Variants in PNLIP observed in about 807,000 individuals in gnomAD.
PNLIP encodes pancreatic lipase.
PNLIP carries 49 observed loss-of-function variants against 57.1 expected under a neutral mutation model. That is an observed-to-expected ratio of 0.86 (90% confidence interval 0.68 to 1.09). PNLIP has a LOEUF of 1.09. Ranked by LOEUF, PNLIP falls within the 50% of genes least tolerant of loss-of-function variation. PNLIP has a pLI of 0.00. For missense variants in PNLIP, 503 were observed against 570.2 expected (o/e 0.88, Z 1.20); for synonymous variants, 209 against 200.4 (o/e 1.04, Z -0.36).
Position 116,553,764 on chromosome 10 carries a change from T to C in PNLIP, c.497T>C (p.Ile166Thr). Residue 166 changes from isoleucine to threonine, a missense_variant, in exon 6 of 13, where the codon ATT becomes ACT. Coordinates refer to ENST00000369221, the MANE Select transcript of PNLIP (RefSeq NM_000936.4). ...TACTCACCTTCCAATGTGCATGTCA[T>C]TGGCCACAGCCTGGGTGCCCACGCT... ...FGYSPSNVHV[I>T]GHSLGAHAAG... The C allele has an allele frequency of 1.9e-6, 3 of 1,613,390 alleles. No homozygotes were observed. Among genetic ancestry groups the C allele is most frequent in the Non-Finnish European group, 2.5e-6 (3 of 1,179,586 alleles).
chr10:116,565,873 G>T (rs183133728), intron 12 of PNLIP, among the ~76,000 whole-genome samples: 1 of 152,104 alleles, frequency 6.6e-6, no homozygotes, highest in South Asian at 2.1e-4. Context: ...GCAGTGGCAC[G>T]ATCTTGGCTC....
chr10:116,561,521 G>A lies in PNLIP; in HGVS notation c.1219G>A (p.Val407Met). ...TCATTCCAATGAATTTGACTCAGAT[G>A]TGGATGTTGGGGACTTGCAGATGGT... The part of the protein sequence containing the change: ...STHSNEFDSD[V>M]DVGDLQMVKF... The change falls in exon 12 of 13, where the codon GTG (valine) becomes ATG (methionine). Residue 407 changes from valine to methionine, a missense_variant. Transcript: ENST00000369221. 1.9e-6 allele frequency: 3 copies of A among 1,613,936 alleles called. No individual in the cohort carries two copies. The highest frequency in any genetic ancestry group is 2.5e-6 in the Non-Finnish European group (3 of 1,179,860).
At chr10:116,559,357 T>A in intron 10 of PNLIP, 74 bp downstream of exon 10, 1 of 1,164,934 alleles carries the variant, frequency 8.6e-7, no homozygotes, top group Non-Finnish European at 1.2e-6. Context: ...AAAATGTGCA[T>A]ACTTGCTTTT....
Position 116,567,744 on chromosome 10 carries a change from C to T in PNLIP, c.1344C>T (p.Phe448=). 1 of 1,613,866 alleles carries T rather than the reference C, an allele frequency of 6.2e-7. No homozygotes were observed. Among genetic ancestry groups the T allele is most frequent in the Non-Finnish European group, 8.5e-7 (1 of 1,179,734 alleles). ...VETNVGKQFN[F]CSPETVREEV... ...TGTTTTTTCTCCACAGGTTCAACTT[C>T]TGTAGTCCAGAAACCGTCAGGGAGG... The change falls in exon 13 of 13, where the codon TTC becomes TTT. Residue 448 remains phenylalanine (F), a synonymous_variant. Coordinates refer to ENST00000369221, the MANE Select transcript of PNLIP (RefSeq NM_000936.4).
At chr10:116,558,355 C>A (rs536460831) in intron 9 of PNLIP, among the ~76,000 whole-genome samples, 3 of 151,506 alleles carry the variant, frequency 2.0e-5, no homozygotes, top group Non-Finnish European at 2.9e-5. Flanking sequence ...CCACCATGCC[C>A]GGCTAATTTT....
Position 116,547,329 on chromosome 10 carries a change from A to G in PNLIP, c.82A>G (p.Ser28Gly), listed in dbSNP as rs1441320915. 1.9e-6 allele frequency: 3 copies of G among 1,614,144 alleles called. No homozygotes were observed. Among genetic ancestry groups the G allele is most frequent in the African/African-American group, 1.3e-5 (1 of 75,028 alleles). Reference protein sequence around the residue: ...EVCYERLGCFSDDSPWSGITE... With the variant: ...EVCYERLGCFGDDSPWSGITE... ...TTGCTACGAAAGACTCGGCTGCTTC[A>G]GTGATGACTCCCCATGGTCAGGAAT... Residue 28 changes from serine to glycine, a missense_variant, in exon 3 of 13, where the codon AGT becomes GGT. By Grantham distance (56) the Ser-to-Gly change is moderately conservative. Transcript: ENST00000369221.
chr10:116,563,716 T>C (rs981266402), intron 12 of PNLIP, among the ~76,000 whole-genome samples: 2 of 152,066 alleles, frequency 1.3e-5, no homozygotes, highest in Non-Finnish European at 2.9e-5. Flanking sequence ...GCTCAACCTA[T>C]ATAGAAAAAG....
rs1847316715 is a variant in PNLIP, at chr10:116,561,619, G to A, written c.1317G>A (p.Glu439=). 6.2e-7 allele frequency: 1 copy of A among 1,610,164 alleles called. No homozygotes were observed. Among genetic ancestry groups the A allele is most frequent in the East Asian group, 2.2e-5 (1 of 44,812 alleles). The change falls in exon 12 of 13, where the codon GAG becomes GAA. Residue 439 remains glutamate (E), a synonymous_variant. Coordinates refer to ENST00000369221, the MANE Select transcript of PNLIP (RefSeq NM_000936.4). ...TGGGAGCATCCAAGATTATAGTGGA[G>A]ACAAATGTTGGAAAACAGTAAGTAA... ...PRVGASKIIV[E]TNVGKQFNFC... is the part of the protein sequence containing the mutation.
rs754866268 is a variant in PNLIP at position 116,551,174 on chromosome 10, C to T, written c.401C>T (p.Ala134Val). ...GGCTCCCGAACTGGATACACACAAG[C>T]CTCGCAGAACATCAGGATCGTGGGA... Reference protein sequence around the residue: ...KGGSRTGYTQASQNIRIVGAE... With the variant: ...KGGSRTGYTQVSQNIRIVGAE... Residue 134 changes from alanine to valine, a missense_variant, in exon 5 of 13, where the codon GCC becomes GTC. Coordinates refer to ENST00000369221, the MANE Select transcript of PNLIP (RefSeq NM_000936.4). The T allele has an allele frequency of 6.2e-7, 1 of 1,612,820 alleles. No individual in the cohort carries two copies. Among genetic ancestry groups the T allele is most frequent in the Admixed American group, 1.7e-5 (1 of 59,906 alleles).
At chr10:116,546,319 C>T (rs1847123325) in intron 2 of PNLIP, among the ~76,000 whole-genome samples, 181 bp downstream of exon 2, 1 of 152,122 alleles carries the variant, frequency 6.6e-6, no homozygotes, top group African/African-American at 2.4e-5. Context: ...ATCTAAGATG[C>T]CCAGTTAAAT....
In PNLIP at chr10:116,553,708, A is replaced by G. The variant is rs766694386; in HGVS notation, c.460-19A>G. The G allele has an allele frequency of 1.3e-6, 2 of 1,504,582 alleles. No individual in the cohort carries two copies. Among genetic ancestry groups the G allele is most frequent in the Non-Finnish European group, 1.9e-6 (2 of 1,080,656 alleles). 93.2% of individuals were successfully genotyped at this position (1,504,582 alleles called of 1,614,324 possible). ...TGACTGCACTTGAAAACATTCTGAAAAGGTTTTCTTTCCGACAGTCGGCGT... is the reference window on the plus strand; with the variant it reads ...TGACTGCACTTGAAAACATTCTGAAGAGGTTTTCTTTCCGACAGTCGGCGT... On this transcript the variant is annotated intron_variant, in intron 5 of 12. Transcript: ENST00000369221.
chr10:116,547,127 T>G (rs1847134210), intron 2 of PNLIP, among the ~76,000 whole-genome samples, 167 bp from the exon 3 acceptor site: 1 of 152,180 alleles, frequency 6.6e-6, no homozygotes, highest in African/African-American at 2.4e-5. Flanking sequence ...CTGTCTGGAA[T>G]AGTTGTGTTG....
chr10:116,561,829 A>G (rs1847318751), intron 12 of PNLIP, among the ~76,000 whole-genome samples, 193 bp downstream of exon 12: 2 of 152,330 alleles, frequency 1.3e-5, no homozygotes, highest in South Asian at 4.1e-4. Context: ...TCAATTCATG[A>G]TAGATGTGTG....
chr10:116,555,010 T>A (rs980384571), intron 6 of PNLIP, among the ~76,000 whole-genome samples, 168 bp from the exon 7 acceptor site: 3 of 152,172 alleles, frequency 2.0e-5, no homozygotes, highest in African/African-American at 7.2e-5. Context: ...TATTGTTTGG[T>A]TTGGGGAAAA....
intron 12 of PNLIP, among the ~76,000 whole-genome samples, chr10:116,562,303 A>G (rs1847323250): frequency 6.6e-6 from 1 of 152,226 alleles, no homozygotes; most frequent in African/African-American, 2.4e-5. Flanking sequence ...ATGGAGTAAC[A>G]GAGCCCAGAT....
intron 12 of PNLIP, among the ~76,000 whole-genome samples, chr10:116,565,185 G>A (rs1847351925): frequency 7.7e-6 from 1 of 129,942 alleles, no homozygotes; most frequent in Non-Finnish European, 1.6e-5. Context: ...GGGAGGCGGA[G>A]CTTGCAGTGA....
At chr10:116,559,811 C>T (rs760329695) in intron 10 of PNLIP, among the ~76,000 whole-genome samples, 36 of 151,914 alleles carry the variant, frequency 2.4e-4, no homozygotes, top group Non-Finnish European at 2.9e-4. Flanking sequence ...ATGGGGTTAC[C>T]GACATTTTTA....
intron 11 of PNLIP, 74 bp from the exon 12 acceptor site, chr10:116,561,398 C>T (rs1417692423): frequency 2.5e-5 from 28 of 1,129,030 alleles, no homozygotes; most frequent in Non-Finnish European, 3.3e-5. Context: ...TACACACTTA[C>T]ATACACACAA....
chr10:116,553,947 A>AC, intron 6 of PNLIP, 109 bp downstream of exon 6: 1 of 524,506 alleles, frequency 1.9e-6, no homozygotes, highest in Non-Finnish European at 3.3e-6. Context: ...ATCTCCTTAA[A>AC]AAAAAAAAAA....
Sources: allele counts gnomAD v4.1 joint callset (sites outside exome capture counted in the v4.1 genomes callset), GRCh38; gene constraint gnomAD v4.1.1; transcripts MANE v1.5; gene names NCBI Gene and HGNC (gene_info 2026-07-23, HGNC 2026-07-21).